TAFA1: variants seen among roughly 807,000 people sequenced by gnomAD.
The protein encoded by TAFA1 is chemokine-like protein TAFA-1.
Under a neutral mutation model 18.5 loss-of-function variants are expected in TAFA1, and 4 were observed. That is an observed-to-expected ratio of 0.22 (90% CI 0.11 to 0.49). The LOEUF (loss-of-function observed/expected upper bound fraction) is 0.49. TAFA1 is among the 20% of genes least tolerant of loss of function. The pLI, the probability that TAFA1 is intolerant of heterozygous loss-of-function variation, is 0.98. For synonymous variants in TAFA1, 56 were observed against 55.2 expected (o/e 1.01, Z -0.06); for missense variants, 147 against 169.0 (o/e 0.87, Z 0.72).
At chr3:68,273,699 TAGA>T (rs1357494630) in intron 2 of TAFA1, among the ~76,000 whole-genome samples, 1 of 152,146 alleles carries the variant, frequency 6.6e-6, no homozygotes, top group African/African-American at 2.4e-5. Context: ...GAATGGAAGC[TAGA>T]AGATCAGTTA....
At chr3:68,143,536 TG>T (rs1250896559) in intron 2 of TAFA1, among the ~76,000 whole-genome samples, 1 of 152,198 alleles carries the variant, frequency 6.6e-6, no homozygotes, top group Non-Finnish European at 1.5e-5. Context: ...TTCCTTGTCG[TG>T]GGGACTGTTG....
intron 2 of TAFA1, among the ~76,000 whole-genome samples, chr3:68,077,905 T>C (rs1457162199): frequency 6.6e-6 from 1 of 152,118 alleles, no homozygotes; most frequent in African/African-American, 2.4e-5. Context: ...TTGGGCAGTA[T>C]GGACACTTTC....
Position 68,257,602 on chromosome 3 carries a change from C to A in TAFA1, c.119-159678C>A, listed in dbSNP as rs567635538. On this transcript the variant is annotated intron_variant, in intron 2 of 4. Coordinates refer to ENST00000478136, the MANE Select transcript of TAFA1 (RefSeq NM_213609.4). Reference sequence around the variant, plus strand: ...TGATTTTATTTAATCCTCACAATAACCTTTTGAGTTAATTATCATTAATGT... The same window carrying A: ...TGATTTTATTTAATCCTCACAATAAACTTTTGAGTTAATTATCATTAATGT... 2.6e-5 allele frequency among the ~76,000 whole-genome samples: 4 copies of A among 152,180 alleles called. No homozygotes were observed. In the South Asian group the frequency reaches 6.2e-4, roughly 24 times the overall value.
chr3:68,496,307 C>T (rs1254114691), intron 3 of TAFA1, among the ~76,000 whole-genome samples: 1 of 152,126 alleles, frequency 6.6e-6, no homozygotes, highest in African/African-American at 2.4e-5. Context: ...CTGGGCTGTC[C>T]TGAGTGCTTC....
intron 2 of TAFA1, among the ~76,000 whole-genome samples, chr3:68,412,889 C>T (rs1356436940): frequency 6.6e-6 from 1 of 152,002 alleles, no homozygotes; most frequent in Non-Finnish European, 1.5e-5. Flanking sequence ...TGGGTATATA[C>T]CCAGTAAGGG....
At chr3:68,330,450 C>T (rs1031129465) in intron 2 of TAFA1, among the ~76,000 whole-genome samples, 42 of 152,262 alleles carry the variant, frequency 2.8e-4, no homozygotes, top group African/African-American at 9.6e-4. Flanking sequence ...GAGAGCTATA[C>T]CAGGTCCCCT....
intron 2 of TAFA1, among the ~76,000 whole-genome samples, chr3:68,347,543 T>C (rs1037871392): frequency 1.3e-5 from 2 of 152,324 alleles, no homozygotes; most frequent in East Asian, 1.9e-4. Flanking sequence ...ACAGGTCATA[T>C]GGTTTCTGTT....
chr3:68,384,966 C>G (rs750488644), intron 2 of TAFA1, among the ~76,000 whole-genome samples: 6 of 152,028 alleles, frequency 3.9e-5, no homozygotes, highest in Non-Finnish European at 8.8e-5. Flanking sequence ...TCTGTTTTGT[C>G]TAAAACAAGG....
At chr3:68,317,995 G>A (rs2068632764) in intron 2 of TAFA1, among the ~76,000 whole-genome samples, 1 of 152,110 alleles carries the variant, frequency 6.6e-6, no homozygotes, top group South Asian at 2.1e-4. Context: ...AGAATCAGGG[G>A]TGGCCAAGTC....
chr3:68,132,512 A>C (rs977015947), intron 2 of TAFA1, among the ~76,000 whole-genome samples: 8 of 152,116 alleles, frequency 5.3e-5, no homozygotes, highest in African/African-American at 1.7e-4. Context: ...AAGTGTTCCT[A>C]TTTCTCCACA....
At chr3:68,437,945 G>C (rs1042338315) in intron 3 of TAFA1, among the ~76,000 whole-genome samples, 1 of 152,068 alleles carries the variant, frequency 6.6e-6, no homozygotes, top group Admixed American at 6.6e-5. Context: ...CTACTTCCAA[G>C]ACACACGGTG....
At chr3:68,132,131 T>C (rs1412947468) in intron 2 of TAFA1, among the ~76,000 whole-genome samples, 1 of 152,126 alleles carries the variant, frequency 6.6e-6, no homozygotes, top group Non-Finnish European at 1.5e-5. Flanking sequence ...ACAAGTGGTG[T>C]TTGGTTTTCT....
intron 3 of TAFA1, among the ~76,000 whole-genome samples, chr3:68,431,753 A>G (rs1475281118): frequency 6.6e-6 from 1 of 152,002 alleles, no homozygotes; most frequent in South Asian, 2.1e-4. Flanking sequence ...TAGCAGGATG[A>G]GTCGCAGACA....
At chr3:68,527,657 T>C (rs1440030112) in intron 3 of TAFA1, among the ~76,000 whole-genome samples, 1 of 152,148 alleles carries the variant, frequency 6.6e-6, no homozygotes, top group Non-Finnish European at 1.5e-5. Flanking sequence ...TCAATATATA[T>C]TGTCTGGTCT....
At chr3:68,022,828 A>G (rs1704722295) in intron 2 of TAFA1, among the ~76,000 whole-genome samples, 2 of 48,964 alleles carry the variant, frequency 4.1e-5, no homozygotes, top group South Asian at 2.0e-3. Context: ...TATATTATAT[A>G]TAATATATAT....
intron 2 of TAFA1, among the ~76,000 whole-genome samples, chr3:68,331,755 C>G (rs1012205638): frequency 1.4e-5 from 2 of 147,256 alleles, no homozygotes; most frequent in African/African-American, 5.0e-5. Flanking sequence ...ACCAATGGAA[C>G]AGAACAGAAA....
At chr3:68,538,919 G>A (rs1336454576) in intron 4 of TAFA1, 39 bp downstream of exon 4, 1 of 1,607,722 alleles carries the variant, frequency 6.2e-7, no homozygotes, top group Non-Finnish European at 8.5e-7. Context: ...GGATGTTACA[G>A]ACTGTACTAT....
chr3:68,053,522 T>C (rs529537340), intron 2 of TAFA1, among the ~76,000 whole-genome samples: 173 of 152,234 alleles, frequency 1.1e-3, no homozygotes, highest in African/African-American at 4.0e-3. Context: ...GACATCTGTA[T>C]TTTAATGTAT....
chr3:68,484,763 A>G (rs1005337458), intron 3 of TAFA1, among the ~76,000 whole-genome samples: 3 of 152,160 alleles, frequency 2.0e-5, no homozygotes, highest in Non-Finnish European at 4.4e-5. Flanking sequence ...GCAAGTTTTA[A>G]TCTTCATACA....
Sources: gnomAD v4.1 joint callset for allele counts (sites outside exome capture counted in the v4.1 genomes callset) on GRCh38, gnomAD v4.1.1 for gene constraint, MANE v1.5 for transcripts, NCBI Gene and HGNC (gene_info 2026-07-23, HGNC 2026-07-21) for gene names.